The following ASMTL variants were observed in gnomAD, a reference collection of about 807,000 sequenced individuals.
The protein encoded by ASMTL is acetylserotonin O-methyltransferase like, also known as probable bifunctional dTTP/UTP pyrophosphatase/methyltransferase protein.
Under a neutral mutation model 60.3 loss-of-function variants are expected in ASMTL, and 57 were observed. The observed-to-expected ratio is 0.95, with a 90% CI of 0.76 to 1.18. The LOEUF (loss-of-function observed/expected upper bound fraction) is 1.18. Ranked by LOEUF, ASMTL falls within the 50% of genes most tolerant of loss-of-function variation. ASMTL has a pLI of 0.00. For synonymous variants in ASMTL, 419 were observed against 373.0 expected (o/e 1.12, Z -1.42); for missense variants, 981 against 852.6 (o/e 1.15, Z -1.88).
intron 2 of ASMTL, among the ~76,000 whole-genome samples, chrX:1,439,585 GC>G (rs1252167681): frequency 2.0e-5 from 3 of 152,202 alleles, no homozygotes; most frequent in African/African-American, 7.2e-5. Context: ...GGTGGCTCAC[GC>G]CTGTCATCCC....
chrX:1,427,208 C>T (rs749643391), intron 7 of ASMTL, among the ~76,000 whole-genome samples: 1 of 151,506 alleles, frequency 6.6e-6, no homozygotes, highest in Non-Finnish European at 1.5e-5. Context: ...CCAGGGATGC[C>T]TGGAGCCCCC....
At chrX:1,446,605 T>C (rs755258384) in intron 1 of ASMTL, among the ~76,000 whole-genome samples, 3 of 151,580 alleles carry the variant, frequency 2.0e-5, no homozygotes, top group African/African-American at 4.8e-5. Context: ...GTTCAAGCGA[T>C]TCTCCTGCCT....
intron 1 of ASMTL, among the ~76,000 whole-genome samples, chrX:1,452,025 C>A (rs2091403794): frequency 6.8e-6 from 1 of 147,464 alleles, no homozygotes; most frequent in South Asian, 2.2e-4. Context: ...CTCTCTCCAA[C>A]CCCATCCCTA....
chrX:1,420,571 C>G (rs1390475188), intron 9 of ASMTL, among the ~76,000 whole-genome samples: 1 of 152,246 alleles, frequency 6.6e-6, no homozygotes, highest in African/African-American at 2.4e-5. Flanking sequence ...CCACGCCTGG[C>G]TGGCACAGCC....
chrX:1,426,131 C>T (rs113346542), intron 7 of ASMTL, among the ~76,000 whole-genome samples: 17,253 of 151,928 alleles, frequency 0.11, 1,057 homozygotes, highest in Admixed American at 0.14. Flanking sequence ...CACACAGGGA[C>T]GACCCTGTGA....
At chrX:1,440,312 G>C (rs186442896) in intron 2 of ASMTL, among the ~76,000 whole-genome samples, 3,501 of 151,990 alleles carry the variant, frequency 0.023, 55 homozygotes, top group Non-Finnish European at 0.034. Flanking sequence ...GGATGGTCTT[G>C]AACTCCTGAC....
chrX:1,433,364 C>G (rs1323159434), intron 5 of ASMTL, among the ~76,000 whole-genome samples: 3 of 151,540 alleles, frequency 2.0e-5, no homozygotes, highest in Admixed American at 1.3e-4. Context: ...TAATCCTGGC[C>G]TTTTAAGAGA....
intron 3 of ASMTL, among the ~76,000 whole-genome samples, chrX:1,437,489 T>G (rs1421389870): frequency 2.6e-5 from 4 of 152,000 alleles, no homozygotes; most frequent in African/African-American, 9.7e-5. Context: ...TCCCCCTGTG[T>G]CCTCACAGGG....
rs747777748 is a variant in ASMTL at position 1,439,196 on chromosome X, G to C, written c.226-52C>G. 3 of 1,599,548 alleles carry C rather than the reference G, an allele frequency of 1.9e-6. No homozygotes were observed. The African/African-American group carries it at 4.0e-5, about 21-fold the overall frequency. ...CCGGTGACGTGCCGTGGGTCTCACA[G>C]AGAAGTTTTCCCGTCGGTACGGGCG... On this transcript the variant is annotated intron_variant, in intron 2 of 12. Transcript: ENST00000381317.
intron 1 of ASMTL, among the ~76,000 whole-genome samples, chrX:1,451,678 G>A (rs1158385681): frequency 3.4e-5 from 5 of 147,610 alleles, no homozygotes; most frequent in African/African-American, 1.3e-4. Flanking sequence ...CATTCCTAGG[G>A]GTCCCGGGTT....
intron 12 of ASMTL, among the ~76,000 whole-genome samples, chrX:1,412,266 C>T (rs1455417022): frequency 2.7e-5 from 4 of 150,030 alleles, no homozygotes; most frequent in South Asian, 2.1e-4. Flanking sequence ...CTCACTCCGT[C>T]GCCCAGGCTG....
chrX:1,428,229 C>G (rs1308381532), intron 6 of ASMTL, 108 bp from the exon 7 acceptor site: 44 of 1,373,768 alleles, frequency 3.2e-5, no homozygotes, highest in Middle Eastern at 5.3e-4. Flanking sequence ...GTCGGGAGAT[C>G]GAGGCCATCC....
chrX:1,411,852 A>T (rs1371000053), intron 12 of ASMTL, among the ~76,000 whole-genome samples: 1 of 110,546 alleles, frequency 9.0e-6, no homozygotes, highest in Non-Finnish European at 1.7e-5. Flanking sequence ...TCGCTCTGTT[A>T]CCCAGGCTGG....
chrX:1,424,365 C>CATCCACACTCCCATCCATCT, intron 8 of ASMTL, among the ~76,000 whole-genome samples: 1 of 131,310 alleles, frequency 7.6e-6, no homozygotes, highest in East Asian at 2.5e-4. Context: ...TATATCTGTT[C>CATCCACACTCCCATCCATCT]ATCCACCCTC....
At chrX:1,430,024 T>C (rs1379566454) in intron 6 of ASMTL, among the ~76,000 whole-genome samples, 2 of 151,126 alleles carry the variant, frequency 1.3e-5, no homozygotes, top group African/African-American at 2.4e-5. Context: ...CTTAATTTTT[T>C]TTTTTTAAAA....
intron 1 of ASMTL, 67 bp from the exon 2 acceptor site, chrX:1,442,384 A>G (rs2091128218): frequency 3.8e-6 from 6 of 1,585,334 alleles, no homozygotes; most frequent in Non-Finnish European, 5.2e-6. Flanking sequence ...TGGGACATGC[A>G]AGATTTGCAG....
Position 1,442,206 on chromosome X carries a change from C to T in ASMTL, c.205G>A (p.Val69Met), listed in dbSNP as rs749069477. ...METAKQKALE[V>M]ANRLYQKDLR... ...CTTGCCTGGTACAGCCGGTTGGCCA[C>T]CTCCAGGGCCTTCTGCTTGGCGGTC... Residue 69 changes from valine to methionine, a missense_variant, in exon 2 of 13, where the codon GTG becomes ATG. By Grantham distance (21) the Val-to-Met change is conservative. Coordinates refer to ENST00000381317, the MANE Select transcript of ASMTL (RefSeq NM_004192.4). 4.3e-6 allele frequency: 7 copies of T among 1,613,644 alleles called. No individual in the cohort carries two copies. The African/African-American group carries it at 9.3e-5, about 22-fold the overall frequency.
At chrX:1,424,341 C>T (rs1273643242) in intron 8 of ASMTL, among the ~76,000 whole-genome samples, 1 of 119,570 alleles carries the variant, frequency 8.4e-6, no homozygotes, top group Non-Finnish European at 1.9e-5. Context: ...GCTACCCAAC[C>T]ACCGATCCAC....
chrX:1,430,850 TTATA>T (rs1213670404), intron 6 of ASMTL, among the ~76,000 whole-genome samples: 1 of 144,966 alleles, frequency 6.9e-6, no homozygotes. Context: ...ATACATATAT[TTATA>T]TATTTATATA....
Sources: gnomAD v4.1 joint callset for allele counts (sites outside exome capture counted in the v4.1 genomes callset) on GRCh38, gnomAD v4.1.1 for gene constraint, MANE v1.5 for transcripts, NCBI Gene and HGNC (gene_info 2026-07-23, HGNC 2026-07-21) for gene names.